EIF4G2: variants seen among roughly 807,000 people sequenced by gnomAD.
The protein encoded by EIF4G2 is eukaryotic translation initiation factor 4 gamma 2.
A neutral mutation model predicts 117.7 loss-of-function variants in EIF4G2; 8 were observed. The ratio of observed to expected loss-of-function variants is 0.07; its 90% CI spans 0.04 to 0.12. The LOEUF is 0.12. EIF4G2 is among the 10% of genes least tolerant of loss of function. The pLI, the probability that EIF4G2 is intolerant of heterozygous loss-of-function variation, is 1.00. For synonymous variants in EIF4G2, 413 were observed against 367.8 expected, an observed-to-expected ratio of 1.12 and a Z score of -1.41; for missense variants, 812 against 1,086.2, an observed-to-expected ratio of 0.75 and a Z score of 3.55.
chr11:10,800,205 G>C lies in EIF4G2; in HGVS notation c.2004C>G (p.Gly668=), dbSNP rs1337849446. ...AAAGTAGGAAGAGAGGAAAATGGGT[G>C]CCACTTTCTAGTGGTTGAGCTAGTT... The change falls in exon 18 of 22, where the codon GGC becomes GGG. Residue 668 remains glycine, a synonymous_variant. Coordinates refer to ENST00000339995, the MANE Select transcript of EIF4G2 (RefSeq NM_001418.4). 1.1e-5 allele frequency: 17 copies of C among 1,614,168 alleles called. No individual in the cohort carries two copies. The highest frequency in any genetic ancestry group is 1.4e-5 in the Non-Finnish European group (17 of 1,180,010).
rs1564980997 is a variant in EIF4G2, at chr11:10,800,092, G to C, written c.2117C>G (p.Pro706Arg). The C allele has an allele frequency of 6.2e-7, 1 of 1,612,064 alleles. No individual in the cohort carries two copies. Among genetic ancestry groups the C allele is most frequent in the Admixed American group, 1.7e-5 (1 of 59,962 alleles). The change falls in exon 18 of 22, where the codon CCA becomes CGA. Residue 706 changes from proline (P) to arginine (R), a missense_variant and splice_region_variant. Pro to Arg is a moderately radical substitution (Grantham distance 103). Coordinates refer to ENST00000339995, the MANE Select transcript of EIF4G2 (RefSeq NM_001418.4). Reference sequence around the variant, plus strand: ...CAAACAAGTCAGCATTCTCTTACCTGGGAGCATTTTCTGCATATTGACCTT... The same window carrying C: ...CAAACAAGTCAGCATTCTCTTACCTCGGAGCATTTTCTGCATATTGACCTT...
rs747767514 is a variant in EIF4G2, at chr11:10,800,731, A to C, written c.1644T>G (p.Thr548=). The C allele has an allele frequency of 6.2e-7, 1 of 1,614,152 alleles. No homozygotes were observed. The highest frequency in any genetic ancestry group is 1.3e-5 in the African/African-American group (1 of 75,042). The change falls in exon 16 of 22, where the codon ACT becomes ACG. Residue 548 remains threonine (T), a splice_region_variant and synonymous_variant. Transcript: ENST00000339995. ...CTAAAATGGGATATTTGAAACTTACAGTTAGTTTAAGGAGTTCTTCCTTTG... is the reference window on the plus strand; with the variant it reads ...CTAAAATGGGATATTTGAAACTTACCGTTAGTTTAAGGAGTTCTTCCTTTG...
intron 1 of EIF4G2, chr11:10,808,242 A>C: frequency 3.5e-6 from 4 of 1,151,570 alleles, no homozygotes; most frequent in Non-Finnish European, 3.2e-6. Context: ...CTCCCCGACG[A>C]AGGGCAGCCC....
At position 10,800,784 on chromosome 11, in the gene EIF4G2, C is replaced by G; in HGVS notation, c.1591G>C (p.Ala531Pro). The change falls in exon 16 of 22, where the codon GCC (alanine) becomes CCC (proline). Residue 531 changes from alanine to proline, a missense_variant. Ala to Pro is a conservative substitution (Grantham distance 27). Transcript: ENST00000339995. ...GGTGGTGGCTTTTTGCTGGTCTTGG[C>G]AGGCTTTTCCTGGATAAGCGGTGGA... The G allele has an allele frequency of 6.2e-7, 1 of 1,614,180 alleles. No individual in the cohort carries two copies. The highest frequency in any genetic ancestry group is 8.5e-7 in the Non-Finnish European group (1 of 1,180,022).
In EIF4G2 at chr11:10,800,347, G is replaced by A; in HGVS notation, c.1862C>T (p.Ala621Val). 6.2e-7 allele frequency: 1 copy of A among 1,613,392 alleles called. No homozygotes were observed. Among genetic ancestry groups the A allele is most frequent in the Non-Finnish European group, 8.5e-7 (1 of 1,179,378 alleles). The change falls in exon 18 of 22, where the codon GCT becomes GTT. Residue 621 changes from alanine to valine, a missense_variant and splice_region_variant. Physicochemically the swap from Ala to Val is moderately conservative, Grantham distance 64. Coordinates refer to ENST00000339995, the MANE Select transcript of EIF4G2 (RefSeq NM_001418.4). ...ACACTGGTCCAATACATTCAGGAAA[G>A]CCTTGAAAGAAATATACAACAGTTT... is the stretch of plus-strand genomic sequence containing the variant.
rs1483737415 is a variant in EIF4G2, at chr11:10,799,649, A to G, written c.2227T>C (p.Leu743=). The G allele has an allele frequency of 6.2e-7, 1 of 1,614,074 alleles. No homozygotes were observed. Among genetic ancestry groups the G allele is most frequent in the Non-Finnish European group, 8.5e-7 (1 of 1,180,030 alleles). ...TATATGGTTTGAGGGGATGGATCCA[A>G]CTTTATTTGCTTCAACAGTTCCTTC... Residue 743 remains leucine, a synonymous_variant, in exon 19 of 22, where the codon TTG becomes CTG. Transcript: ENST00000339995.
chr11:10,806,135 A>G, intron 3 of EIF4G2, 88 bp from the exon 4 acceptor site: 1 of 1,568,698 alleles, frequency 6.4e-7, no homozygotes, highest in Non-Finnish European at 8.7e-7. Context: ...AAAGTAATTT[A>G]GGCTTTCTCG....
Position 10,799,737 on chromosome 11 carries a change from G to A in EIF4G2, c.2139C>T (p.Asp713=), listed in dbSNP as rs1590039201. 5.0e-6 allele frequency: 8 copies of A among 1,612,312 alleles called. No homozygotes were observed. Among genetic ancestry groups the A allele is most frequent in the Non-Finnish European group, 6.8e-6 (8 of 1,179,626 alleles). Residue 713 remains aspartate, a synonymous_variant, in exon 19 of 22, where the codon GAC becomes GAT. Coordinates refer to ENST00000339995, the MANE Select transcript of EIF4G2 (RefSeq NM_001418.4). ...TTCCTTCCAAAATCTCCAACATGCGGTCCTTATTCTGATCAATTTCTGAAG... is the reference window on the plus strand; with the variant it reads ...TTCCTTCCAAAATCTCCAACATGCGATCCTTATTCTGATCAATTTCTGAAG...
rs1328528809 is a variant in EIF4G2, at chr11:10,803,139, A to G, written c.898-11T>C. The G allele has an allele frequency of 6.2e-7, 1 of 1,603,822 alleles. No individual in the cohort carries two copies. The highest frequency in any genetic ancestry group is 1.7e-5 in the Admixed American group (1 of 58,054). On this transcript the variant is annotated splice_polypyrimidine_tract_variant and intron_variant, in intron 10 of 21. Transcript: ENST00000339995. The surrounding 1 kb of genome is among the most constrained non-coding windows in gnomAD (Gnocchi z 4.0). ...CAACTCTACGGTATCCTTTAATTGA[A>G]AAATAATTTTATTTTAATATTCCTA...
At position 10,803,861 on chromosome 11, in the gene EIF4G2, G is replaced by T; in HGVS notation, c.702+38C>A. 1 of 1,588,532 alleles carries T rather than the reference G, an allele frequency of 6.3e-7. No individual in the cohort carries two copies. Among genetic ancestry groups the T allele is most frequent in the South Asian group, 1.1e-5 (1 of 88,776 alleles). The stretch of plus-strand genomic sequence containing the variant: ...AATAATTGACTCATTTCCTCCAAAC[G>T]ACTGACTACATTCGCCTAACTTCCC... On this transcript the variant is annotated intron_variant, in intron 8 of 21. Coordinates refer to ENST00000339995, the MANE Select transcript of EIF4G2 (RefSeq NM_001418.4). This position sits in a 1 kb window ranked among gnomAD's most constrained non-coding sequence, Gnocchi z 4.0.
Position 10,801,003 on chromosome 11 carries a change from T to G in EIF4G2, c.1498A>C (p.Ser500Arg). The change falls in exon 15 of 22, where the codon AGT becomes CGT. Residue 500 changes from serine to arginine, a missense_variant. Ser to Arg is a moderately radical substitution (Grantham distance 110). Around this residue, in one of 4 missense-constraint regions of EIF4G2, gnomAD observed 571 missense variants for 642.3 expected, o/e 0.89. Coordinates refer to ENST00000339995, the MANE Select transcript of EIF4G2 (RefSeq NM_001418.4). ...GTTTGAGTGCGTGGTGGTTGTGCAC[T>G]AGGAGGAATCATAGTTATCTGGGGC... 6.2e-7 allele frequency: 1 copy of G among 1,614,208 alleles called. No homozygotes were observed. Among genetic ancestry groups the G allele is most frequent in the Non-Finnish European group, 8.5e-7 (1 of 1,180,016 alleles).
intron 1 of EIF4G2, 57 bp downstream of exon 1, chr11:10,808,648 C>G (rs1847668391): frequency 5.5e-6 from 2 of 361,018 alleles, no homozygotes; most frequent in Non-Finnish European, 8.6e-6. Context: ...AAGAAGCGAC[C>G]AGGGACGGCG....
Position 10,803,234 on chromosome 11 carries a change from C to A in EIF4G2, c.874G>T (p.Ala292Ser). Residue 292 changes from alanine to serine, a missense_variant, in exon 10 of 22, where the codon GCA (alanine) becomes TCA (serine). Coordinates refer to ENST00000339995, the MANE Select transcript of EIF4G2 (RefSeq NM_001418.4). The surrounding 1 kb of genome is among the most constrained non-coding windows in gnomAD (Gnocchi z 4.0). ...ACCTGCAGCAGGAAACGAATCCTTGCTGGCAATTCCTTACTTAACATCAAG... is the reference window on the plus strand; with the variant it reads ...ACCTGCAGCAGGAAACGAATCCTTGATGGCAATTCCTTACTTAACATCAAG... 6.2e-7 allele frequency: 1 copy of A among 1,614,020 alleles called. No homozygotes were observed. The highest frequency in any genetic ancestry group is 1.1e-5 in the South Asian group (1 of 91,056).
Position 10,804,979 on chromosome 11 carries a change from C to T in EIF4G2, c.285G>A (p.Lys95=). ...CCACATTGAGGAGCTCAAGGCATAG[C>T]TTGTCAAACTTTTCAGGAGTAAGCT... Residue 95 remains lysine, a synonymous_variant, in exon 5 of 22, where the codon AAG becomes AAA. Transcript: ENST00000339995. 1 of 1,614,074 alleles carries T rather than the reference C, an allele frequency of 6.2e-7. No individual in the cohort carries two copies. Among genetic ancestry groups the T allele is most frequent in the Non-Finnish European group, 8.5e-7 (1 of 1,179,984 alleles).
At chr11:10,799,957 G>C in intron 18 of EIF4G2, 133 bp downstream of exon 18, 1 of 1,172,794 alleles carries the variant, frequency 8.5e-7, no homozygotes, top group South Asian at 1.5e-5. Context: ...TTATAGGTGA[G>C]ATCTGTGGTA....
At chr11:10,801,247 G>A (rs1340524809) in intron 14 of EIF4G2, 160 bp from the exon 15 acceptor site, 1 of 1,060,254 alleles carries the variant, frequency 9.4e-7, no homozygotes, top group Non-Finnish European at 1.3e-6. Context: ...TTAATTTTTG[G>A]CAAAAAATTT....
intron 1 of EIF4G2, chr11:10,807,676 A>G (rs1449442892): frequency 9.9e-7 from 1 of 1,013,768 alleles, no homozygotes; most frequent in Non-Finnish European, 1.2e-6. Flanking sequence ...ACTGAGATCA[A>G]TAGAAAAGTC....
intron 13 of EIF4G2, 121 bp from the exon 14 acceptor site, chr11:10,801,895 TA>T: frequency 8.7e-7 from 1 of 1,153,070 alleles, no homozygotes; most frequent in Non-Finnish European, 1.2e-6. Context: ...CCAGAGAAAG[TA>T]AAAGATGAAA....
chr11:10,799,946 T>C (rs1296796737), intron 18 of EIF4G2, 144 bp downstream of exon 18: 3 of 1,167,096 alleles, frequency 2.6e-6, no homozygotes, highest in African/African-American at 1.6e-5. Flanking sequence ...TAAATCTCTC[T>C]TTATAGGTGA....
Sources: gnomAD v4.1 joint callset for allele counts on GRCh38, gnomAD v4.1.1 for gene constraint, gnomAD v4.1.1 regional missense constraint, Gnocchi (gnomAD v3.1) non-coding constraint, MANE v1.5 for transcripts, NCBI Gene and HGNC (gene_info 2026-07-23, HGNC 2026-07-21) for gene names.